The following PPP5C variants were observed in gnomAD, a reference collection of about 807,000 sequenced individuals.
PPP5C encodes protein phosphatase 5 catalytic subunit.
A neutral mutation model predicts 66.7 loss-of-function variants in PPP5C; 21 were observed. The observed-to-expected ratio is 0.31, with a 90% confidence interval of 0.22 to 0.45. PPP5C has a LOEUF of 0.45. Ranked by LOEUF, PPP5C falls within the 20% of genes least tolerant of loss-of-function variation. The pLI is 1.00. For synonymous variants in PPP5C, 246 were observed against 257.4 expected, an observed-to-expected ratio of 0.96 and a Z score of 0.43; for missense variants, 464 against 675.9, an observed-to-expected ratio of 0.69 and a Z score of 3.48.
intron 1 of PPP5C, among the ~76,000 whole-genome samples, chr19:46,348,780 G>T (rs1228940696): frequency 6.6e-6 from 1 of 152,154 alleles, no homozygotes; most frequent in South Asian, 2.1e-4. Flanking sequence ...GGAGCACTTA[G>T]TGAGGTGGAA....
Position 46,390,753 on chromosome 19 carries a change from C to G in PPP5C, c.*407C>G. 2 of 1,142,628 alleles carry G rather than the reference C, an allele frequency of 1.8e-6. No homozygotes were observed. Among genetic ancestry groups the G allele is most frequent in the Non-Finnish European group, 2.2e-6 (2 of 918,922 alleles). The allele number at this position is 1,142,628 out of a possible 1,614,324, so 70.8% of individuals were successfully genotyped here. The stretch of plus-strand genomic sequence containing the variant: ...GGGGGCCCCGCCTGCGCCTCCCCTC[C>G]TATAGCCCCATGGTGGGGCTAGGCT... On this transcript the variant is annotated 3_prime_UTR_variant, in exon 13 of 13. Coordinates refer to ENST00000012443, the MANE Select transcript of PPP5C (RefSeq NM_006247.4).
In PPP5C at chr19:46,363,897, G is replaced by C. The variant is rs140981690; in HGVS notation, c.363+9908G>C. Among the ~76,000 whole-genome samples, 340 of 152,286 alleles carry C rather than the reference G, an allele frequency of 2.2e-3. 2 individuals carry two copies. In the Middle Eastern group the frequency reaches 0.024, roughly 11 times the overall value. On this transcript the variant is annotated intron_variant, in intron 2 of 12. Transcript: ENST00000012443. The stretch of plus-strand genomic sequence containing the variant: ...AGAGATCAAGGAGCTCTATGTAAAA[G>C]AGAATAGAGCTTTAGACCTGAGAGG...
At chr19:46,363,732 G>A (rs1241576809) in intron 2 of PPP5C, among the ~76,000 whole-genome samples, 5 of 152,058 alleles carry the variant, frequency 3.3e-5, no homozygotes, top group Admixed American at 2.6e-4. Context: ...CCTGGCCTCG[G>A]TTTACCTTCT....
At chr19:46,365,340 A>G (rs922290816) in intron 2 of PPP5C, among the ~76,000 whole-genome samples, 1 of 151,364 alleles carries the variant, frequency 6.6e-6, no homozygotes, top group Non-Finnish European at 1.5e-5. Flanking sequence ...CTGGTTTCAA[A>G]TGCCTGACCT....
rs774496829 is a variant in PPP5C at position 46,384,917 on chromosome 19, G to A, written c.904+8G>A. On this transcript the variant is annotated splice_region_variant and intron_variant, in intron 7 of 12. Coordinates refer to ENST00000012443, the MANE Select transcript of PPP5C (RefSeq NM_006247.4). ...ACTTTCACCTCCTTCGAGGTGAGCTGGGAAGTGACAAGGTTTGGGTTCATT... is the reference window on the plus strand; with the variant it reads ...ACTTTCACCTCCTTCGAGGTGAGCTAGGAAGTGACAAGGTTTGGGTTCATT... 6.2e-7 allele frequency: 1 copy of A among 1,606,498 alleles called. No individual in the cohort carries two copies. Among genetic ancestry groups the A allele is most frequent in the Non-Finnish European group, 8.5e-7 (1 of 1,173,066 alleles).
At chr19:46,364,146 A>C (rs1972452006) in intron 2 of PPP5C, among the ~76,000 whole-genome samples, 1 of 152,242 alleles carries the variant, frequency 6.6e-6, no homozygotes, top group African/African-American at 2.4e-5. Flanking sequence ...GTGTATAATT[A>C]GGAGCAGTTT....
intron 11 of PPP5C, 79 bp from the exon 12 acceptor site, chr19:46,389,972 T>C (rs1972984245): frequency 7.6e-7 from 1 of 1,320,030 alleles, no homozygotes. Flanking sequence ...TGTCCCTTCT[T>C]GCCCAGCCAT....
intron 1 of PPP5C, among the ~76,000 whole-genome samples, chr19:46,350,025 C>CG (rs1416781849): frequency 6.9e-5 from 2 of 28,888 alleles, no homozygotes; most frequent in Non-Finnish European, 1.3e-4. Context: ...GGTGGGGTGG[C>CG]GGTGGGGGGT....
chr19:46,386,688 C>T (rs981129947), intron 7 of PPP5C: 1 of 271,232 alleles, frequency 3.7e-6, no homozygotes, highest in Non-Finnish European at 7.3e-6. Flanking sequence ...GCATAGCTCA[C>T]TGCAGCCTCT....
rs751265952 is a variant in PPP5C, at chr19:46,375,716, G to A, written c.476G>A (p.Arg159His). Residue 159 changes from arginine (R) to histidine (H), a missense_variant, in exon 3 of 13, where the codon CGC becomes CAC. This residue lies in a region of PPP5C where 387 missense variants were observed against 626.0 expected (regional missense o/e 0.62). Transcript: ENST00000012443. ...ERAIAGDEHK[R>H]SVVDSLDIES... Reference sequence around the variant, plus strand: ...GCCATCGCGGGCGACGAGCACAAGCGCTCCGTGGTGGACTCGCTGGACATC... The same window carrying A: ...GCCATCGCGGGCGACGAGCACAAGCACTCCGTGGTGGACTCGCTGGACATC... 3.6e-5 allele frequency: 58 copies of A among 1,609,286 alleles called. No individual in the cohort carries two copies. In the Admixed American group the frequency reaches 4.7e-4, roughly 13 times the overall value.
intron 2 of PPP5C, among the ~76,000 whole-genome samples, chr19:46,363,631 A>G (rs1972440660): frequency 6.6e-6 from 1 of 151,648 alleles, no homozygotes; most frequent in African/African-American, 2.4e-5. Context: ...GGGTTTCACC[A>G]TGTTGGCCAG....
chr19:46,352,267 T>C (rs1601410145), intron 1 of PPP5C, among the ~76,000 whole-genome samples: 2 of 151,920 alleles, frequency 1.3e-5, no homozygotes, highest in African/African-American at 4.8e-5. Context: ...ACTCTCGGAG[T>C]GCTGTTGAGA....
At chr19:46,361,128 A>ATTTTTTTT (rs202038384) in intron 2 of PPP5C, among the ~76,000 whole-genome samples, 22 of 133,468 alleles carry the variant, frequency 1.6e-4, no homozygotes, top group South Asian at 2.6e-4. Context: ...AGTGAAAGAA[A>ATTTTTTTT]ATTTTTTTTT....
chr19:46,359,970 G>A (rs918757937), intron 2 of PPP5C, among the ~76,000 whole-genome samples: 8 of 151,842 alleles, frequency 5.3e-5, no homozygotes, highest in Non-Finnish European at 5.9e-5. Flanking sequence ...CTAGAGACGG[G>A]GTTTCACCAC....
intron 2 of PPP5C, 137 bp downstream of exon 2, chr19:46,354,126 G>A (rs1244979672): frequency 2.3e-6 from 3 of 1,332,152 alleles, no homozygotes; most frequent in African/African-American, 2.9e-5. Flanking sequence ...TGGGGCCTTG[G>A]GCCCAGGCCA....
chr19:46,390,434 C>T lies in PPP5C; in HGVS notation c.*88C>T. Reference sequence around the variant, plus strand: ...GCTAGGGGCAGAGCAGGCCCCGCCCCAGGGCAATGTTGGACCCCCTTTTAC... The same window carrying T: ...GCTAGGGGCAGAGCAGGCCCCGCCCTAGGGCAATGTTGGACCCCCTTTTAC... On this transcript the variant is annotated 3_prime_UTR_variant, in exon 13 of 13. Coordinates refer to ENST00000012443, the MANE Select transcript of PPP5C (RefSeq NM_006247.4). 1 of 1,540,460 alleles carries T rather than the reference C, an allele frequency of 6.5e-7. No homozygotes were observed. Among genetic ancestry groups the T allele is most frequent in the East Asian group, 2.5e-5 (1 of 40,672 alleles).
chr19:46,390,180 C>T (rs751172459), intron 12 of PPP5C, 48 bp downstream of exon 12: 1 of 1,610,000 alleles, frequency 6.2e-7, no homozygotes. Flanking sequence ...GGCCTGGGGA[C>T]AAGGAGGCTG....
At chr19:46,368,896 T>C (rs6509265) in intron 2 of PPP5C, among the ~76,000 whole-genome samples, 80,971 of 152,064 alleles carry the variant, frequency 0.53, 21,727 homozygotes, top group South Asian at 0.74. Flanking sequence ...TATTTTGCTC[T>C]TGTTTACGGG....
chr19:46,360,192 T>C lies in PPP5C; in HGVS notation c.363+6203T>C, dbSNP rs1568566831. 3.9e-5 allele frequency among the ~76,000 whole-genome samples: 6 copies of C among 152,250 alleles called. No homozygotes were observed. The South Asian group carries it at 8.3e-4, about 21-fold the overall frequency. On this transcript the variant is annotated intron_variant, in intron 2 of 12. Coordinates refer to ENST00000012443, the MANE Select transcript of PPP5C (RefSeq NM_006247.4). ...ATTGACCAGGAAATTTGGCTATTTC[T>C]GCAGCATATAATTTAACATAATAAT...
Sources: allele counts gnomAD v4.1 joint callset (sites outside exome capture counted in the v4.1 genomes callset), GRCh38; gene constraint gnomAD v4.1.1; regional missense constraint gnomAD v4.1.1; transcripts MANE v1.5; gene names NCBI Gene and HGNC (gene_info 2026-07-23, HGNC 2026-07-21).